DYM: variants seen among roughly 807,000 people sequenced by gnomAD.
The protein encoded by DYM is dymeclin, also known as dyggve-Melchior-Clausen syndrome protein.
Under a neutral mutation model 93.1 loss-of-function variants are expected in DYM, and 78 were observed. That is an observed-to-expected ratio of 0.84 (90% CI 0.70 to 1.01). The LOEUF is 1.01. Among genes scored for constraint, DYM ranks in the 50% least tolerant of loss-of-function variants. DYM has a pLI of 0.00. For synonymous variants in DYM, 321 were observed against 319.7 expected (o/e 1.00, Z -0.04); for missense variants, 789 against 845.0 (o/e 0.93, Z 0.82).
intron 15 of DYM, among the ~76,000 whole-genome samples, chr18:49,155,297 GATC>G (rs1392932178): frequency 1.3e-5 from 2 of 152,148 alleles, no homozygotes; most frequent in Non-Finnish European, 2.9e-5. Flanking sequence ...TAGCCATGCT[GATC>G]TTTATCTACT....
chr18:49,451,917 A>C (rs2082546851), intron 1 of DYM, among the ~76,000 whole-genome samples: 1 of 152,228 alleles, frequency 6.6e-6, no homozygotes, highest in South Asian at 2.1e-4. Context: ...CTTACAAGAA[A>C]CAAAAAGAGA....
At chr18:49,431,809 A>G (rs1431843364) in intron 1 of DYM, 1 of 152,102 alleles carries the variant, frequency 6.6e-6, no homozygotes, top group Admixed American at 6.5e-5. Flanking sequence ...TCTGAGAGCA[A>G]GATGCTTCCC....
At chr18:49,232,765 C>T (rs1176822272) in intron 13 of DYM, among the ~76,000 whole-genome samples, 20 of 151,794 alleles carry the variant, frequency 1.3e-4, no homozygotes, top group Non-Finnish European at 5.9e-5. Flanking sequence ...CGCGCCACCA[C>T]GCCTGGCTAA....
intron 16 of DYM, among the ~76,000 whole-genome samples, chr18:49,100,916 G>A (rs1259138086): frequency 6.6e-6 from 1 of 152,188 alleles, no homozygotes; most frequent in African/African-American, 2.4e-5. Flanking sequence ...TGGAGCATTA[G>A]CTTAGTTTTT....
intron 16 of DYM, among the ~76,000 whole-genome samples, chr18:49,112,271 C>T (rs1449732541): frequency 1.3e-5 from 2 of 152,142 alleles, no homozygotes; most frequent in East Asian, 1.9e-4. Context: ...TGCTGTGCCC[C>T]CAGTCTCAGT....
rs2071107625 is a variant in DYM, at chr18:49,043,735, T to A, written c.*320A>T. On this transcript the variant is annotated 3_prime_UTR_variant, in exon 18 of 18. Coordinates refer to ENST00000675505, the MANE Select transcript of DYM (RefSeq NM_001353214.3). ...TTGGATAGTGTGCACTGTTGAAGTG[T>A]GATGTGCCTAAGGCAACAGGATCTT... The A allele has an allele frequency of 1.1e-5, 4 of 377,244 alleles. No homozygotes were observed. The highest frequency in any genetic ancestry group is 9.8e-5 in the South Asian group (4 of 40,772). The allele number at this position is 377,244 out of a possible 1,614,324, so 23.4% of individuals were successfully genotyped here. A position where few individuals can be genotyped will look rare whatever the true frequency, so the allele number is the denominator to read the frequency against.
chr18:49,438,270 T>C (rs1292648683), intron 1 of DYM, among the ~76,000 whole-genome samples: 3 of 152,176 alleles, frequency 2.0e-5, no homozygotes, highest in African/African-American at 4.8e-5. Flanking sequence ...GGAGAGACAC[T>C]GAACAGAATG....
chr18:49,202,952 T>TG (rs2092172012), intron 14 of DYM, among the ~76,000 whole-genome samples: 1 of 117,548 alleles, frequency 8.5e-6, no homozygotes, highest in Non-Finnish European at 1.8e-5. Flanking sequence ...GGGAGGGAGG[T>TG]GAGGGGTCAG....
intron 15 of DYM, among the ~76,000 whole-genome samples, chr18:49,145,644 C>T (rs1328443658): frequency 6.6e-6 from 1 of 152,074 alleles, no homozygotes; most frequent in Non-Finnish European, 1.5e-5. Context: ...CCCGAGGATG[C>T]CTATGTGGTG....
At chr18:49,048,584 T>C (rs1338121333) in intron 17 of DYM, 1 of 152,144 alleles carries the variant, frequency 6.6e-6, no homozygotes, top group Non-Finnish European at 1.5e-5. Context: ...GAGGGTGGAA[T>C]GGGAAATAAA....
At chr18:49,148,557 T>C (rs1212867177) in intron 15 of DYM, among the ~76,000 whole-genome samples, 1 of 152,116 alleles carries the variant, frequency 6.6e-6, no homozygotes, top group Non-Finnish European at 1.5e-5. Context: ...GCACCAAGCC[T>C]TTAAGATACA....
In DYM at chr18:49,163,730, G is replaced by T. The variant is rs746110563; in HGVS notation, c.1683C>A (p.Ser561=). ...HNKVLEQATQ[S]LRGSLSSNDV... Reference sequence around the variant, plus strand: ...CATTAGAACTCAGCGAACCTCTCAAGGACTGTGTGGCTTGTTCCAGAACTT... The same window carrying T: ...CATTAGAACTCAGCGAACCTCTCAATGACTGTGTGGCTTGTTCCAGAACTT... The change falls in exon 15 of 18, where the codon TCC becomes TCA. Residue 561 remains serine, a synonymous_variant. Transcript: ENST00000675505. The T allele has an allele frequency of 6.2e-7, 1 of 1,612,784 alleles. No individual in the cohort carries two copies. The highest frequency in any genetic ancestry group is 2.2e-5 in the East Asian group (1 of 44,788).
intron 1 of DYM, among the ~76,000 whole-genome samples, chr18:49,453,297 G>T (rs776768267): frequency 1.6e-4 from 25 of 152,132 alleles, no homozygotes; most frequent in Non-Finnish European, 3.4e-4. Context: ...CCAGATAAGG[G>T]AATAAAAGCA....
chr18:49,220,902 A>G (rs2144049581), intron 13 of DYM, among the ~76,000 whole-genome samples: 1 of 152,348 alleles, frequency 6.6e-6, no homozygotes, highest in Admixed American at 6.5e-5. Context: ...AAAGTTGACA[A>G]ATGGGATCTA....
At chr18:49,433,722 G>A (rs2080548559) in intron 1 of DYM, among the ~76,000 whole-genome samples, 1 of 152,006 alleles carries the variant, frequency 6.6e-6, no homozygotes, top group African/African-American at 2.4e-5. Flanking sequence ...ACAAAAATTA[G>A]CTAGGCATGT....
intron 5 of DYM, among the ~76,000 whole-genome samples, chr18:49,364,803 C>A (rs1568322429): frequency 6.6e-6 from 1 of 152,260 alleles, no homozygotes. Flanking sequence ...ATTCCCTCTG[C>A]CTGGAATAGC....
At chr18:49,089,479 A>AG (rs2078853227) in intron 17 of DYM, among the ~76,000 whole-genome samples, 1 of 152,248 alleles carries the variant, frequency 6.6e-6, no homozygotes, top group African/African-American at 2.4e-5. Context: ...TGTCTTTTGT[A>AG]GGGAAGTTGG....
At chr18:49,221,337 A>T (rs1451038623) in intron 13 of DYM, among the ~76,000 whole-genome samples, 3 of 152,134 alleles carry the variant, frequency 2.0e-5, no homozygotes, top group Non-Finnish European at 1.5e-5. Context: ...CCATTGTGGA[A>T]GTCGGTGTGG....
chr18:49,231,846 A>G (rs2093705006), intron 13 of DYM, among the ~76,000 whole-genome samples: 1 of 152,234 alleles, frequency 6.6e-6, no homozygotes, highest in African/African-American at 2.4e-5. Flanking sequence ...AACTGTAAGT[A>G]CTAACTAGCC....
Sources: allele counts gnomAD v4.1 joint callset (sites outside exome capture counted in the v4.1 genomes callset), GRCh38; gene constraint gnomAD v4.1.1; transcripts MANE v1.5; gene names NCBI Gene and HGNC (gene_info 2026-07-23, HGNC 2026-07-21).